MCC: variants seen among roughly 807,000 people sequenced by gnomAD.
MCC encodes colorectal mutant cancer protein.
MCC carries 90 observed loss-of-function variants against 116.2 expected under a neutral mutation model. The observed-to-expected ratio is 0.77, with a 90% confidence interval of 0.65 to 0.92. The LOEUF (loss-of-function observed/expected upper bound fraction) is 0.92, where lower values mean the gene tolerates loss of function less well. Among genes scored for constraint, MCC ranks in the 40% least tolerant of loss-of-function variants. MCC has a pLI of 0.00. For synonymous variants in MCC, 578 were observed against 510.5 expected, an observed-to-expected ratio of 1.13 and a Z score of -1.78; for missense variants, 1,516 against 1,312.2, an observed-to-expected ratio of 1.16 and a Z score of -2.40.
intron 17 of MCC, among the ~76,000 whole-genome samples, chr5:113,029,942 T>TGATTCCC (rs1750841137): frequency 2.0e-5 from 3 of 152,240 alleles, no homozygotes; most frequent in African/African-American, 4.8e-5. Context: ...TTACTTGGTT[T>TGATTCCC]GATTCCCCAA....
At chr5:113,052,575 G>C (rs1265163799) in intron 15 of MCC, among the ~76,000 whole-genome samples, 2 of 152,192 alleles carry the variant, frequency 1.3e-5, no homozygotes, top group South Asian at 2.1e-4. Flanking sequence ...GCTGTGCTGA[G>C]TGAGTCACCC....
chr5:113,372,850 C>G (rs1368824333), intron 2 of MCC, among the ~76,000 whole-genome samples: 2 of 152,098 alleles, frequency 1.3e-5, no homozygotes, highest in Non-Finnish European at 2.9e-5. Context: ...AGCCACTGAG[C>G]CCAGCCTAAA....
At chr5:113,369,683 T>G (rs1581432674) in intron 2 of MCC, among the ~76,000 whole-genome samples, 1 of 152,186 alleles carries the variant, frequency 6.6e-6, no homozygotes, top group East Asian at 1.9e-4. Flanking sequence ...AGATCTCAGC[T>G]CACCATTCTT....
At chr5:113,122,878 C>T (rs1192131901) in intron 5 of MCC, 52 bp from the exon 6 acceptor site, 4 of 1,572,510 alleles carry the variant, frequency 2.5e-6, no homozygotes, top group African/African-American at 2.7e-5. Context: ...AAGACAACCC[C>T]CTAGAGAATA....
At chr5:113,349,603 A>C (rs1768217980) in intron 2 of MCC, among the ~76,000 whole-genome samples, 1 of 152,094 alleles carries the variant, frequency 6.6e-6, no homozygotes, top group Non-Finnish European at 1.5e-5. Context: ...AAATGGGGAA[A>C]AATTGAAAGT....
chr5:113,068,159 T>C lies in MCC; in HGVS notation c.1950A>G (p.Glu650=). 3.1e-6 allele frequency: 5 copies of C among 1,613,736 alleles called. No individual in the cohort carries two copies. Among genetic ancestry groups the C allele is most frequent in the Non-Finnish European group, 4.2e-6 (5 of 1,179,916 alleles). ...CACTCTCTGCCAGCGCCAGGAGGAG[T>C]TCGTAGGCTTCGATGCACTGCTCGC... ...QYSEQCIEAY[E]LLLALAESEQ... is the part of the protein sequence containing the mutation. Residue 650 remains glutamate, a synonymous_variant, in exon 13 of 19, where the codon GAA becomes GAG. Coordinates refer to ENST00000408903, the MANE Select transcript of MCC (RefSeq NM_001085377.2).
intron 5 of MCC, among the ~76,000 whole-genome samples, chr5:113,127,274 C>T (rs1758112432): frequency 6.6e-6 from 1 of 152,142 alleles, no homozygotes; most frequent in East Asian, 1.9e-4. Context: ...AGGTTGATTC[C>T]ATGTCTTTGC....
chr5:113,133,695 T>C (rs1758615242), intron 5 of MCC, among the ~76,000 whole-genome samples: 1 of 152,194 alleles, frequency 6.6e-6, no homozygotes, highest in Non-Finnish European at 1.5e-5. Flanking sequence ...TTTTGAGGAA[T>C]TTTCATACTG....
At position 113,118,126 on chromosome 5, in the gene MCC, T is replaced by C. The variant is rs555718806; in HGVS notation, c.1027+4558A>G. On this transcript the variant is annotated intron_variant, in intron 6 of 18. Transcript: ENST00000408903. ...TCCTGATTTTACAGATGAAGAGACC[T>C]CCAGGGCATCCTTCCAGGTTGGGGA... Among the ~76,000 whole-genome samples, 243 of 152,284 alleles carry C rather than the reference T, an allele frequency of 1.6e-3. 2 individuals are homozygous for C. Among genetic ancestry groups the C allele is most frequent in the Non-Finnish European group, 3.1e-3 (213 of 68,024 alleles).
chr5:113,447,390 G>A (rs1257019966), intron 1 of MCC, among the ~76,000 whole-genome samples: 1 of 152,092 alleles, frequency 6.6e-6, no homozygotes, highest in East Asian at 1.9e-4. Context: ...ACACATGCTT[G>A]TTATGTACAA....
chr5:113,157,643 G>A (rs1274127812), intron 3 of MCC, among the ~76,000 whole-genome samples: 1 of 152,180 alleles, frequency 6.6e-6, no homozygotes, highest in Non-Finnish European at 1.5e-5. Flanking sequence ...GCTACTTGAA[G>A]TGCTAGTTTA....
At chr5:113,350,043 A>G (rs529415821) in intron 2 of MCC, among the ~76,000 whole-genome samples, 23 of 152,104 alleles carry the variant, frequency 1.5e-4, no homozygotes, top group African/African-American at 4.8e-4. Flanking sequence ...AATTGAAGAG[A>G]ACCCCCCCAA....
At chr5:113,218,300 G>T (rs1289912511) in intron 3 of MCC, among the ~76,000 whole-genome samples, 1 of 152,156 alleles carries the variant, frequency 6.6e-6, no homozygotes, top group Non-Finnish European at 1.5e-5. Context: ...CGTCTCTAAC[G>T]TCTGCAGCTT....
chr5:113,036,080 G>A (rs1402037332), intron 17 of MCC, among the ~76,000 whole-genome samples: 1 of 135,314 alleles, frequency 7.4e-6, no homozygotes, highest in African/African-American at 2.9e-5. Context: ...CTTTCGCCCG[G>A]TCTGAAGTGC....
intron 17 of MCC, among the ~76,000 whole-genome samples, chr5:113,040,940 G>GGCTTAGCTTACA (rs1751669594): frequency 6.6e-6 from 1 of 152,162 alleles, no homozygotes; most frequent in Non-Finnish European, 1.5e-5. Context: ...AAAACTTAAG[G>GGCTTAGCTTACA]GCTTAGCTTA....
intron 3 of MCC, among the ~76,000 whole-genome samples, chr5:113,293,849 T>A (rs1233048917): frequency 6.6e-6 from 1 of 152,086 alleles, no homozygotes; most frequent in East Asian, 1.9e-4. Flanking sequence ...CCACCTTGCC[T>A]GAACGTAGCC....
chr5:113,447,981 C>T (rs992309661), intron 1 of MCC: 2 of 152,180 alleles, frequency 1.3e-5, no homozygotes, highest in Admixed American at 1.3e-4. Flanking sequence ...TGGCCTCTAT[C>T]TGGGGAGAGG....
At chr5:113,476,738 C>T (rs539892804) in intron 1 of MCC, among the ~76,000 whole-genome samples, 4 of 152,214 alleles carry the variant, frequency 2.6e-5, no homozygotes, top group African/African-American at 9.6e-5. Flanking sequence ...TTGCCTAGGG[C>T]CGGAGTGGTT....
intron 1 of MCC, among the ~76,000 whole-genome samples, chr5:113,461,285 G>A (rs1771734400): frequency 1.3e-5 from 2 of 152,036 alleles, no homozygotes; most frequent in South Asian, 2.1e-4. Context: ...TAAAAACCAC[G>A]TTTTTCAAAT....
Sources: allele counts gnomAD v4.1 joint callset (sites outside exome capture counted in the v4.1 genomes callset), GRCh38; gene constraint gnomAD v4.1.1; transcripts MANE v1.5; gene names NCBI Gene and HGNC (gene_info 2026-07-23, HGNC 2026-07-21).